The following NELL1 variants were observed in gnomAD, a reference collection of about 807,000 sequenced individuals.
The protein encoded by NELL1 is protein kinase C-binding protein NELL1.
A neutral mutation model predicts 107.4 loss-of-function variants in NELL1; 76 were observed. The observed-to-expected ratio is 0.71, with a 90% CI of 0.59 to 0.86. The LOEUF (loss-of-function observed/expected upper bound fraction) is 0.86, where lower values mean the gene tolerates loss of function less well. Ranked by LOEUF, NELL1 falls within the 40% of genes least tolerant of loss-of-function variation. The probability of loss-of-function intolerance (pLI) is 0.00; values close to 1 mark genes in which losing one functional copy is unlikely to be tolerated. For synonymous variants in NELL1, 353 were observed against 341.2 expected (o/e 1.03, Z -0.38); for missense variants, 1,024 against 1,005.5 (o/e 1.02, Z -0.25).
At chr11:21,442,251 A>G (rs1371157803) in intron 15 of NELL1, among the ~76,000 whole-genome samples, 3 of 152,166 alleles carry the variant, frequency 2.0e-5, no homozygotes, top group African/African-American at 7.2e-5. Context: ...TCAGTTGCCT[A>G]AGATTGTGAT....
chr11:20,829,791 A>AC (rs1857967049), intron 3 of NELL1, among the ~76,000 whole-genome samples: 1 of 150,076 alleles, frequency 6.7e-6, no homozygotes, highest in African/African-American at 2.5e-5. Context: ...AGTTATTATT[A>AC]TTTTTTTTTG....
At chr11:21,079,793 C>CT (rs1854223184) in intron 12 of NELL1, among the ~76,000 whole-genome samples, 1 of 151,938 alleles carries the variant, frequency 6.6e-6, no homozygotes, top group African/African-American at 2.4e-5. Context: ...ATAGCACTGC[C>CT]TAGAACAGAA....
intron 15 of NELL1, among the ~76,000 whole-genome samples, chr11:21,473,736 A>ATAAT (rs1432716648): frequency 1.3e-5 from 2 of 152,090 alleles, no homozygotes; most frequent in Non-Finnish European, 2.9e-5. Context: ...TGGAAGATGA[A>ATAAT]TAATATAGGA....
chr11:21,559,251 G>A (rs1856795471), intron 16 of NELL1, among the ~76,000 whole-genome samples: 1 of 152,086 alleles, frequency 6.6e-6, no homozygotes, highest in South Asian at 2.1e-4. Flanking sequence ...CAGACACTAA[G>A]TATCAGTACT....
At chr11:20,888,547 TTATAAG>T (rs1411369937) in intron 5 of NELL1, among the ~76,000 whole-genome samples, 41 of 152,142 alleles carry the variant, frequency 2.7e-4, no homozygotes, top group South Asian at 1.0e-3. Context: ...ATGGGCACTA[TTATAAG>T]TATAACGGGT....
At chr11:21,260,655 T>C (rs1848509807) in intron 14 of NELL1, 1 of 151,876 alleles carries the variant, frequency 6.6e-6, no homozygotes. Context: ...AGCAGACTAA[T>C]AAATATTCAG....
chr11:21,112,947 T>G (rs1242302968), intron 12 of NELL1, among the ~76,000 whole-genome samples: 1 of 151,986 alleles, frequency 6.6e-6, no homozygotes, highest in Non-Finnish European at 1.5e-5. Flanking sequence ...TCACGAACTT[T>G]TATGAGAAAG....
chr11:21,321,795 C>T (rs1019262633), intron 14 of NELL1, among the ~76,000 whole-genome samples: 2 of 152,338 alleles, frequency 1.3e-5, no homozygotes, highest in African/African-American at 4.8e-5. Context: ...ATCTCCTGCA[C>T]AGTCCCACAC....
At chr11:21,440,436 G>T (rs887959488) in intron 15 of NELL1, among the ~76,000 whole-genome samples, 2 of 151,982 alleles carry the variant, frequency 1.3e-5, no homozygotes, top group Non-Finnish European at 2.9e-5. Context: ...ATTTATTTAG[G>T]TGATGATAAA....
At chr11:21,270,040 T>TA (rs545120155) in intron 14 of NELL1, among the ~76,000 whole-genome samples, 314 of 151,692 alleles carry the variant, frequency 2.1e-3, no homozygotes, top group Admixed American at 3.4e-3. Context: ...GCTTTTTGTT[T>TA]AAAAAAAAGT....
chr11:21,289,224 A>G (rs984562515), intron 14 of NELL1, among the ~76,000 whole-genome samples: 1 of 152,244 alleles, frequency 6.6e-6, no homozygotes, highest in Non-Finnish European at 1.5e-5. Flanking sequence ...CTTGGGCAAG[A>G]TGGCCCAATA....
At chr11:20,708,657 T>C (rs1855035940) in intron 2 of NELL1, among the ~76,000 whole-genome samples, 1 of 152,216 alleles carries the variant, frequency 6.6e-6, no homozygotes, top group East Asian at 1.9e-4. Context: ...GTGAATATTT[T>C]CTCCCACTCT....
At chr11:20,874,932 T>C (rs1849274471) in intron 4 of NELL1, among the ~76,000 whole-genome samples, 1 of 152,252 alleles carries the variant, frequency 6.6e-6, no homozygotes, top group Non-Finnish European at 1.5e-5. Context: ...AGAACATCTC[T>C]GTTCCTTCAA....
chr11:21,005,454 C>G (rs1852308316), intron 12 of NELL1, among the ~76,000 whole-genome samples: 1 of 152,178 alleles, frequency 6.6e-6, no homozygotes, highest in South Asian at 2.1e-4. Context: ...AGGGAAGGAA[C>G]ATTGTTGGTT....
chr11:21,391,568 T>C lies in NELL1; in HGVS notation c.1645+20620T>C, dbSNP rs948881101. On this transcript the variant is annotated intron_variant, in intron 15 of 19. Coordinates refer to ENST00000357134, the MANE Select transcript of NELL1 (RefSeq NM_006157.5). ...TTATTATTTTTTTCTTTTTGTGGGG[T>C]GATGGAGGAGACATTTCATCAACAT... is the stretch of plus-strand genomic sequence containing the variant. 2.0e-4 allele frequency among the ~76,000 whole-genome samples: 31 copies of C among 151,686 alleles called. 1 individual carries two copies. Among genetic ancestry groups the C allele is most frequent in the African/African-American group, 2.4e-5 (1 of 41,336 alleles).
chr11:20,985,059 A>C (rs1851825085), intron 12 of NELL1, among the ~76,000 whole-genome samples: 1 of 152,070 alleles, frequency 6.6e-6, no homozygotes. Flanking sequence ...GATGTGATTC[A>C]CCTGGTCAAC....
At chr11:21,341,070 T>C (rs954350635) in intron 14 of NELL1, among the ~76,000 whole-genome samples, 1 of 152,176 alleles carries the variant, frequency 6.6e-6, no homozygotes, top group Non-Finnish European at 1.5e-5. Flanking sequence ...TATAAGCTAA[T>C]ATAGCCTTTA....
intron 2 of NELL1, among the ~76,000 whole-genome samples, chr11:20,780,052 A>C (rs1856823561): frequency 1.3e-5 from 2 of 152,224 alleles, no homozygotes. Flanking sequence ...CTTCTCTGAG[A>C]GTGAGAATGC....
chr11:21,311,879 C>A (rs1051267175), intron 14 of NELL1, among the ~76,000 whole-genome samples: 2 of 152,106 alleles, frequency 1.3e-5, no homozygotes, highest in African/African-American at 4.8e-5. Context: ...GAAACATAAT[C>A]ACAAATATTA....
Sources: allele counts gnomAD v4.1 joint callset (sites outside exome capture counted in the v4.1 genomes callset), GRCh38; gene constraint gnomAD v4.1.1; transcripts MANE v1.5; gene names NCBI Gene and HGNC (gene_info 2026-07-23, HGNC 2026-07-21).